The following ASXL2 variants were observed in gnomAD, a reference collection of about 807,000 sequenced individuals.
ASXL2 encodes ASXL transcriptional regulator 2.
ASXL2 carries 23 observed loss-of-function variants against 122.0 expected under a neutral mutation model. The ratio of observed to expected loss-of-function variants is 0.19; its 90% CI spans 0.14 to 0.27. The LOEUF is 0.27. ASXL2 is among the 10% of genes least tolerant of loss of function. The probability of loss-of-function intolerance (pLI) is 1.00; values close to 1 mark genes in which losing one functional copy is unlikely to be tolerated. For synonymous variants in ASXL2, 650 were observed against 637.0 expected (o/e 1.02, Z -0.31); for missense variants, 1,518 against 1,713.8 (o/e 0.89, Z 2.02).
chr2:25,839,751 A>G (rs1367991374), intron 2 of ASXL2, among the ~76,000 whole-genome samples: 1 of 150,338 alleles, frequency 6.7e-6, no homozygotes, highest in African/African-American at 2.4e-5. Context: ...GCCTCCCAGC[A>G]TATTTGGGAG....
At chr2:25,786,734 A>C (rs145573975) in intron 5 of ASXL2, among the ~76,000 whole-genome samples, 9 of 152,168 alleles carry the variant, frequency 5.9e-5, no homozygotes, top group Admixed American at 5.9e-4. Context: ...CACACCTGTA[A>C]TCGCAGCTAC....
intron 3 of ASXL2, among the ~76,000 whole-genome samples, chr2:25,828,301 T>A (rs969584857): frequency 1.3e-5 from 2 of 151,500 alleles, no homozygotes; most frequent in Admixed American, 1.3e-4. Context: ...AGTCAGGAGT[T>A]CGAGACCAGC....
At position 25,812,120 on chromosome 2, in the gene ASXL2, C is replaced by T. The variant is rs974582235; in HGVS notation, c.144-5783G>A. ...AACTGGATGAACTGTACATGGGACCCTAGGTACTATTTTTGCAATTTCCTG... is the reference window on the plus strand; with the variant it reads ...AACTGGATGAACTGTACATGGGACCTTAGGTACTATTTTTGCAATTTCCTG... On this transcript the variant is annotated intron_variant, in intron 3 of 12. Coordinates refer to ENST00000435504, the MANE Select transcript of ASXL2 (RefSeq NM_018263.6). 2.6e-5 allele frequency among the ~76,000 whole-genome samples: 4 copies of T among 151,054 alleles called. No homozygotes were observed. The East Asian group carries it at 7.8e-4, about 29-fold the overall frequency.
intron 3 of ASXL2, among the ~76,000 whole-genome samples, chr2:25,808,986 C>G (rs1381994723): frequency 1.3e-5 from 2 of 152,152 alleles, no homozygotes; most frequent in African/African-American, 4.8e-5. Context: ...CCCAAAGAAG[C>G]AAAGCTTCAA....
intron 5 of ASXL2, among the ~76,000 whole-genome samples, chr2:25,789,343 A>C (rs1405869199): frequency 6.6e-6 from 1 of 151,888 alleles, no homozygotes; most frequent in Non-Finnish European, 1.5e-5. Flanking sequence ...AATAGCAAAA[A>C]ATTATTTAAG....
chr2:25,851,792 G>A (rs1276580780), intron 1 of ASXL2, among the ~76,000 whole-genome samples: 1 of 152,176 alleles, frequency 6.6e-6, no homozygotes, highest in Non-Finnish European at 1.5e-5. Context: ...TCGGGAGGCT[G>A]AGGCACGAGA....
chr2:25,840,000 C>T (rs1255485112), intron 2 of ASXL2, among the ~76,000 whole-genome samples: 2 of 150,958 alleles, frequency 1.3e-5, no homozygotes, highest in Non-Finnish European at 2.9e-5. Context: ...CAAAGTGTTG[C>T]GGTTACAGGC....
At chr2:25,754,987 G>T (rs1213038996) in intron 10 of ASXL2, among the ~76,000 whole-genome samples, 2 of 152,138 alleles carry the variant, frequency 1.3e-5, no homozygotes, top group African/African-American at 4.8e-5. Flanking sequence ...TATATTAGCT[G>T]TTCACTTTAA....
chr2:25,746,771 T>G (rs1007169556), intron 12 of ASXL2, among the ~76,000 whole-genome samples: 6 of 152,196 alleles, frequency 3.9e-5, no homozygotes, highest in Non-Finnish European at 7.3e-5. Context: ...ATTACCTGAT[T>G]ATGCAAAATA....
At position 25,755,252 on chromosome 2, in the gene ASXL2, C is replaced by T. The variant is rs765782019; in HGVS notation, c.1036+766G>A. Among the ~76,000 whole-genome samples, 4 of 152,206 alleles carry T rather than the reference C, an allele frequency of 2.6e-5. 1 individual carries two copies. Among genetic ancestry groups the T allele is most frequent in the Non-Finnish European group, 2.9e-5 (2 of 68,030 alleles). On this transcript the variant is annotated intron_variant, in intron 10 of 12. Coordinates refer to ENST00000435504, the MANE Select transcript of ASXL2 (RefSeq NM_018263.6). Reference sequence around the variant, plus strand: ...ACAAACAAACAAAACCAATAAAGCTCTGACACTAACCCAGAGCAATAAAAA... The same window carrying T: ...ACAAACAAACAAAACCAATAAAGCTTTGACACTAACCCAGAGCAATAAAAA...
chr2:25,756,626 G>A (rs2088140433), intron 9 of ASXL2, among the ~76,000 whole-genome samples: 1 of 152,180 alleles, frequency 6.6e-6, no homozygotes, highest in Admixed American at 6.5e-5. Flanking sequence ...TATGTGGGTT[G>A]ACATCATTTC....
intron 1 of ASXL2, among the ~76,000 whole-genome samples, chr2:25,864,149 C>T (rs1450483705): frequency 2.6e-5 from 4 of 152,018 alleles, no homozygotes; most frequent in Middle Eastern, 3.2e-3. Flanking sequence ...CACTCGTTAA[C>T]GGTGGAGCAC....
intron 8 of ASXL2, among the ~76,000 whole-genome samples, chr2:25,764,699 A>G (rs1002587013): frequency 1.3e-5 from 2 of 152,248 alleles, no homozygotes; most frequent in Non-Finnish European, 1.5e-5. Context: ...CAATGCCTCT[A>G]TAAACTTTTG....
chr2:25,843,135 A>C (rs562169217), intron 2 of ASXL2, among the ~76,000 whole-genome samples: 4 of 151,808 alleles, frequency 2.6e-5, no homozygotes, highest in Non-Finnish European at 4.4e-5. Context: ...CACGTCTCTA[A>C]TAAAAATACA....
At position 25,841,488 on chromosome 2, in the gene ASXL2, AC is replaced by A. The variant is rs1221047233; in HGVS notation, c.140+3992del. On this transcript the variant is annotated intron_variant, in intron 2 of 12. Coordinates refer to ENST00000435504, the MANE Select transcript of ASXL2 (RefSeq NM_018263.6). Reference sequence around the variant, plus strand: ...CTCTGGAGCTACCTTAACGTAAGGTACAGAGAAATTGTATGTTTTTTTACCA... The same window carrying A: ...CTCTGGAGCTACCTTAACGTAAGGTAAGAGAAATTGTATGTTTTTTTACCA... Among the ~76,000 whole-genome samples, 4 of 152,248 alleles carry A rather than the reference AC, an allele frequency of 2.6e-5. No homozygotes were observed. In the East Asian group the frequency reaches 7.7e-4, roughly 29 times the overall value.
At chr2:25,843,331 G>T (rs1156234574) in intron 2 of ASXL2, among the ~76,000 whole-genome samples, 4 of 151,326 alleles carry the variant, frequency 2.6e-5, no homozygotes, top group Admixed American at 1.3e-4. Flanking sequence ...TAGAGACGGG[G>T]TTTTACCATG....
At chr2:25,866,575 G>A (rs2089906639) in intron 1 of ASXL2, among the ~76,000 whole-genome samples, 1 of 152,124 alleles carries the variant, frequency 6.6e-6, no homozygotes, top group South Asian at 2.1e-4. Context: ...AAATACATAT[G>A]AAGCAATCCA....
chr2:25,779,084 A>ATTTTTTTTTTT (rs33911748), intron 5 of ASXL2, among the ~76,000 whole-genome samples: 1 of 99,412 alleles, frequency 1.0e-5, no homozygotes, highest in African/African-American at 3.9e-5. Flanking sequence ...CTTTTTTCTG[A>ATTTTTTTTTTT]TTTTTTTTTT....
intron 3 of ASXL2, among the ~76,000 whole-genome samples, chr2:25,811,600 C>T (rs1485949610): frequency 6.6e-6 from 1 of 151,840 alleles, no homozygotes; most frequent in African/African-American, 2.4e-5. Context: ...TAATAAGAAG[C>T]TCAAACTTAA....
Sources: gnomAD v4.1 joint callset for allele counts (sites outside exome capture counted in the v4.1 genomes callset) on GRCh38, gnomAD v4.1.1 for gene constraint, MANE v1.5 for transcripts, NCBI Gene and HGNC (gene_info 2026-07-23, HGNC 2026-07-21) for gene names.